Variants in SLC44A5 observed in about 807,000 individuals in gnomAD.
SLC44A5 encodes the protein choline transporter-like protein 5.
In SLC44A5, 57 loss-of-function variants were observed where a neutral mutation model predicts 101.8. That is an observed-to-expected ratio of 0.56 (90% CI 0.45 to 0.70). SLC44A5 has a LOEUF of 0.70. Among genes scored for constraint, SLC44A5 ranks in the 30% least tolerant of loss-of-function variants. SLC44A5 has a pLI of 0.00. For synonymous variants in SLC44A5, 281 were observed against 290.9 expected, an observed-to-expected ratio of 0.97 and a Z score of 0.35; for missense variants, 737 against 853.1, an observed-to-expected ratio of 0.86 and a Z score of 1.70.
At chr1:75,215,952 A>T (rs957932150) in intron 18 of SLC44A5, 95 bp from the exon 19 acceptor site, 5 of 718,182 alleles carry the variant, frequency 7.0e-6, no homozygotes, top group Non-Finnish European at 1.2e-5. Context: ...GAGATTTAAA[A>T]TTTTTTATTG....
At chr1:75,632,841 A>C in the SLC44A5 span, among the ~76,000 whole-genome samples, 3 of 152,180 alleles carry the variant, frequency 2.0e-5, no homozygotes, top group Non-Finnish European at 4.4e-5. Context: ...TAAAAACAAC[A>C]ATAATAATGG....
intron 22 of SLC44A5, among the ~76,000 whole-genome samples, chr1:75,213,408 T>A (rs1646897127): frequency 6.6e-6 from 1 of 152,108 alleles, no homozygotes; most frequent in African/African-American, 2.4e-5. Flanking sequence ...TAAGCCCCAA[T>A]GTGATTTGAA....
intron 2 of SLC44A5, among the ~76,000 whole-genome samples, chr1:75,529,516 TC>T (rs1209562073): frequency 1.3e-5 from 2 of 152,168 alleles, no homozygotes; most frequent in Non-Finnish European, 2.9e-5. Flanking sequence ...GTAAATGCCA[TC>T]TCCCACAATT....
chr1:75,677,719 T>A, the SLC44A5 span: 1 of 436,934 alleles, frequency 2.3e-6, no homozygotes, highest in Non-Finnish European at 4.5e-6. Flanking sequence ...CCCAGTGCAA[T>A]CATCTGTTAC....
At chr1:75,642,936 A>C in the SLC44A5 span, among the ~76,000 whole-genome samples, 1 of 152,292 alleles carries the variant, frequency 6.6e-6, no homozygotes, top group East Asian at 1.9e-4. Context: ...CACTGGACAA[A>C]TTAAATTGGT....
At chr1:75,565,113 C>G (rs1672723543) in intron 1 of SLC44A5, among the ~76,000 whole-genome samples, 1 of 152,128 alleles carries the variant, frequency 6.6e-6, no homozygotes, top group Non-Finnish European at 1.5e-5. Context: ...TATCTGAAGT[C>G]TCTTCCCCAG....
the SLC44A5 span, among the ~76,000 whole-genome samples, chr1:75,634,472 T>C: frequency 3.3e-5 from 5 of 151,108 alleles, no homozygotes; most frequent in East Asian, 5.9e-4. Context: ...GAGATATAGA[T>C]CAATGGAACA....
intron 5 of SLC44A5, among the ~76,000 whole-genome samples, chr1:75,286,545 A>C (rs1165600149): frequency 6.6e-6 from 1 of 151,850 alleles, no homozygotes; most frequent in Non-Finnish European, 1.5e-5. Context: ...GATTTTTTTC[A>C]TTGTGTTATT....
At chr1:75,593,308 T>A (rs1201260996) in intron 1 of SLC44A5, among the ~76,000 whole-genome samples, 4 of 152,062 alleles carry the variant, frequency 2.6e-5, no homozygotes, top group African/African-American at 9.7e-5. Flanking sequence ...CCAGTTAAAA[T>A]GACTTACATC....
chr1:75,290,302 G>A (rs1557626825), intron 5 of SLC44A5, among the ~76,000 whole-genome samples: 1 of 152,168 alleles, frequency 6.6e-6, no homozygotes, highest in Non-Finnish European at 1.5e-5. Context: ...CTGGAGCATG[G>A]CAGGATCCTA....
chr1:75,640,812 G>A, the SLC44A5 span, among the ~76,000 whole-genome samples: 1 of 152,028 alleles, frequency 6.6e-6, no homozygotes, highest in Non-Finnish European at 1.5e-5. Context: ...TCCTTAAAAT[G>A]GGAATAATTG....
intron 2 of SLC44A5, among the ~76,000 whole-genome samples, chr1:75,468,657 G>A (rs1019654785): frequency 2.6e-5 from 4 of 152,140 alleles, no homozygotes; most frequent in African/African-American, 9.7e-5. Context: ...GAGAAGGATG[G>A]TTACCACAGG....
intron 1 of SLC44A5, among the ~76,000 whole-genome samples, chr1:75,545,918 C>T (rs1484083124): frequency 6.6e-6 from 1 of 151,716 alleles, no homozygotes; most frequent in Non-Finnish European, 1.5e-5. Flanking sequence ...CCTCAACCTC[C>T]TCGGCTCAAG....
intron 3 of SLC44A5, among the ~76,000 whole-genome samples, chr1:75,376,245 C>A (rs1660591069): frequency 6.6e-6 from 1 of 152,238 alleles, no homozygotes; most frequent in Admixed American, 6.5e-5. Flanking sequence ...TGCAAGGCGG[C>A]AGCGAGGCTG....
intron 3 of SLC44A5, among the ~76,000 whole-genome samples, chr1:75,389,671 G>A (rs1661652241): frequency 6.6e-6 from 1 of 152,172 alleles, no homozygotes; most frequent in African/African-American, 2.4e-5. Flanking sequence ...GCAGTGTTAA[G>A]AGGAAAGTTT....
chr1:75,542,400 A>G (rs1671404104), intron 1 of SLC44A5, among the ~76,000 whole-genome samples: 1 of 152,160 alleles, frequency 6.6e-6, no homozygotes, highest in Non-Finnish European at 1.5e-5. Context: ...CTTCAAAAAT[A>G]TTTTAATGTC....
chr1:75,594,351 C>T (rs545362935), intron 1 of SLC44A5, among the ~76,000 whole-genome samples: 28 of 151,914 alleles, frequency 1.8e-4, no homozygotes, highest in Non-Finnish European at 2.8e-4. Flanking sequence ...AAATATAGCA[C>T]GACAGTATTC....
intron 7 of SLC44A5, among the ~76,000 whole-genome samples, chr1:75,247,515 G>T (rs965220484): frequency 6.6e-6 from 1 of 152,082 alleles, no homozygotes; most frequent in African/African-American, 2.4e-5. Flanking sequence ...CAAGTAGATG[G>T]TGTTAAACCC....
intron 2 of SLC44A5, among the ~76,000 whole-genome samples, chr1:75,425,692 C>T (rs984141686): frequency 1.3e-5 from 2 of 152,190 alleles, no homozygotes; most frequent in East Asian, 3.8e-4. Flanking sequence ...AATAACAATG[C>T]TGTATTCTGA....
Sources: allele counts gnomAD v4.1 joint callset (sites outside exome capture counted in the v4.1 genomes callset), GRCh38; gene constraint gnomAD v4.1.1; transcripts MANE v1.5; gene names NCBI Gene and HGNC (gene_info 2026-07-23, HGNC 2026-07-21).